Variants in KDM4A observed in about 807,000 individuals in gnomAD.
KDM4A encodes the protein lysine demethylase 4A, also known as lysine-specific demethylase 4A.
KDM4A carries 23 observed loss-of-function variants against 127.1 expected under a neutral mutation model. The ratio of observed to expected loss-of-function variants is 0.18; its 90% CI spans 0.13 to 0.26. The LOEUF is 0.26. Among genes scored for constraint, KDM4A ranks in the 10% least tolerant of loss-of-function variants. The pLI is 1.00. For missense variants in KDM4A, 890 were observed against 1,329.1 expected, an observed-to-expected ratio of 0.67 and a Z score of 5.14; for synonymous variants, 443 against 466.5, an observed-to-expected ratio of 0.95 and a Z score of 0.65.
chr1:43,674,666 A>C (rs1036503003), intron 11 of KDM4A, among the ~76,000 whole-genome samples: 2 of 151,792 alleles, frequency 1.3e-5, no homozygotes, highest in Non-Finnish European at 2.9e-5. Flanking sequence ...ACAGGCATGC[A>C]CCACCACTCC....
intron 11 of KDM4A, among the ~76,000 whole-genome samples, chr1:43,672,517 CGGG>C (rs1302298967): frequency 7.7e-6 from 1 of 129,380 alleles, no homozygotes; most frequent in African/African-American, 3.0e-5. Flanking sequence ...TTTTTTGAGA[CGGG>C]GTCTCGCTCT....
intron 16 of KDM4A, 144 bp downstream of exon 16, chr1:43,692,455 A>C (rs1429212665): frequency 1.4e-6 from 1 of 712,058 alleles, no homozygotes. Context: ...CATCTCCAAG[A>C]CTCATTTTAA....
chr1:43,701,356 T>C (rs909693958), intron 19 of KDM4A, among the ~76,000 whole-genome samples: 2 of 152,258 alleles, frequency 1.3e-5, no homozygotes, highest in African/African-American at 4.8e-5. Context: ...AATTTTACTA[T>C]TGGCAACAGA....
chr1:43,675,152 C>T (rs901563935), intron 11 of KDM4A, among the ~76,000 whole-genome samples: 1 of 152,222 alleles, frequency 6.6e-6, no homozygotes, highest in Non-Finnish European at 1.5e-5. Flanking sequence ...CCTCTCTGCT[C>T]CATCGCCAAC....
intron 19 of KDM4A, among the ~76,000 whole-genome samples, chr1:43,700,511 T>G (rs913028851): frequency 3.9e-5 from 6 of 152,006 alleles, no homozygotes; most frequent in Non-Finnish European, 7.4e-5. Context: ...TAACAACTTT[T>G]TTTGTTTGTT....
rs560934434 is a variant in KDM4A, at chr1:43,662,914, T to C, written c.450T>C (p.Ile150=). Residue 150 remains isoleucine (I), a synonymous_variant, in exon 5 of 22, where the codon ATT becomes ATC. Coordinates refer to ENST00000372396, the MANE Select transcript of KDM4A (RefSeq NM_014663.3). ...TGCAGCATGTTGATGAGTGGAATAT[T>C]GGCCGGCTGAGAACAATCCTGGACT... The part of the protein sequence containing the change: ...LYEKHVDEWN[I]GRLRTILDLV... 33 of 1,612,794 alleles carry C rather than the reference T, an allele frequency of 2.0e-5. No homozygotes were observed. Among genetic ancestry groups the C allele is most frequent in the Middle Eastern group, 1.7e-4 (1 of 6,052 alleles).
intron 19 of KDM4A, among the ~76,000 whole-genome samples, chr1:43,701,213 C>T (rs963306775): frequency 6.6e-6 from 1 of 152,164 alleles, no homozygotes; most frequent in African/African-American, 2.4e-5. Context: ...GCCACCACGC[C>T]CGGCCATAAA....
At chr1:43,659,284 A>T (rs1444999590) in intron 3 of KDM4A, among the ~76,000 whole-genome samples, 5 of 152,050 alleles carry the variant, frequency 3.3e-5, no homozygotes, top group Admixed American at 2.0e-4. Flanking sequence ...CAGAGCAAGG[A>T]TCTTGTATAG....
At chr1:43,656,802 T>A (rs11589584) in intron 3 of KDM4A, among the ~76,000 whole-genome samples, 2 of 151,362 alleles carry the variant, frequency 1.3e-5, no homozygotes, top group Non-Finnish European at 3.0e-5. Context: ...CTCGGCTCAC[T>A]GCAACCTCCA....
At position 43,655,578 on chromosome 1, in the gene KDM4A, G is replaced by C; in HGVS notation, c.139-13G>C. On this transcript the variant is annotated splice_polypyrimidine_tract_variant and intron_variant, in intron 2 of 21. Coordinates refer to ENST00000372396, the MANE Select transcript of KDM4A (RefSeq NM_014663.3). ...TTTCTCATCTGTCTTTTTGTTTCTT[G>C]TGTTCCCTTCAGGTTGTTCCTCCAA... is the stretch of plus-strand genomic sequence containing the variant. 1 of 1,593,022 alleles carries C rather than the reference G, an allele frequency of 6.3e-7. No homozygotes were observed.
intron 11 of KDM4A, 94 bp downstream of exon 11, chr1:43,671,969 G>A: frequency 7.2e-7 from 1 of 1,395,550 alleles, no homozygotes; most frequent in Non-Finnish European, 9.5e-7. Flanking sequence ...GTGGATCTGT[G>A]TGATGGAGGT....
chr1:43,669,410 T>G (rs1660569931), intron 10 of KDM4A, 111 bp downstream of exon 10: 1 of 1,057,258 alleles, frequency 9.5e-7, no homozygotes, highest in Non-Finnish European at 1.5e-6. Flanking sequence ...GACAGGTCCG[T>G]GAGCAGATAG....
chr1:43,681,282 C>T (rs1300350959), intron 11 of KDM4A, among the ~76,000 whole-genome samples: 1 of 152,122 alleles, frequency 6.6e-6, no homozygotes, highest in Non-Finnish European at 1.5e-5. Flanking sequence ...TTCCTCTTAC[C>T]TGTCTGCTTC....
At chr1:43,681,315 C>G (rs1457187412) in intron 11 of KDM4A, among the ~76,000 whole-genome samples, 1 of 152,148 alleles carries the variant, frequency 6.6e-6, no homozygotes, top group Non-Finnish European at 1.5e-5. Context: ...TCTCCCTTCT[C>G]TTCTTCCTCC....
intron 3 of KDM4A, among the ~76,000 whole-genome samples, chr1:43,658,179 C>T (rs1660291866): frequency 6.6e-6 from 1 of 151,054 alleles, no homozygotes; most frequent in Non-Finnish European, 1.5e-5. Context: ...AAGCGATTCT[C>T]CTACCTCAGC....
intron 19 of KDM4A, 100 bp downstream of exon 19, chr1:43,698,113 G>A: frequency 8.9e-7 from 1 of 1,128,074 alleles, no homozygotes; most frequent in Non-Finnish European, 1.3e-6. Flanking sequence ...TTCTAGCCAG[G>A]TCCCTGGTCC....
Position 43,683,627 on chromosome 1 carries a change from C to T in KDM4A, c.1735-57C>T, listed in dbSNP as rs1341643921. The stretch of plus-strand genomic sequence containing the variant: ...CCTTTGGTTTTCATTGTAAGGGTGA[C>T]TTGTGCTGTGTCTCAAGTGGAGACA... On this transcript the variant is annotated intron_variant, in intron 11 of 21. Coordinates refer to ENST00000372396, the MANE Select transcript of KDM4A (RefSeq NM_014663.3). 3 of 1,580,226 alleles carry T rather than the reference C, an allele frequency of 1.9e-6. No individual in the cohort carries two copies. In the African/African-American group the frequency reaches 4.1e-5, roughly 21 times the overall value.
At chr1:43,653,533 G>A (rs1660167595) in intron 2 of KDM4A, 1 of 393,968 alleles carries the variant, frequency 2.5e-6, no homozygotes, top group Non-Finnish European at 4.5e-6. Context: ...GAAAGGGGGA[G>A]GTAAAGAGCT....
chr1:43,679,826 T>G lies in KDM4A; in HGVS notation c.1735-3858T>G, dbSNP rs61326777. Among the ~76,000 whole-genome samples the G allele has an allele frequency of 9.3e-3, 1,418 of 152,284 alleles. 22 individuals are homozygous for G. Among genetic ancestry groups the G allele is most frequent in the African/African-American group, 0.032 (1,350 of 41,556 alleles). ...ATAAACCCTATCAGGAACACTAACC[T>G]TGACCCTGGTGCCAGATGTTGGATG... On this transcript the variant is annotated intron_variant, in intron 11 of 21. Transcript: ENST00000372396.
Sources: allele counts gnomAD v4.1 joint callset (sites outside exome capture counted in the v4.1 genomes callset), GRCh38; gene constraint gnomAD v4.1.1; transcripts MANE v1.5; gene names NCBI Gene and HGNC (gene_info 2026-07-23, HGNC 2026-07-21).